The following ZNF333 variants were observed in gnomAD, a reference collection of about 807,000 sequenced individuals.
ZNF333 encodes the protein zinc finger protein 333.
A neutral mutation model predicts 76.1 loss-of-function variants in ZNF333; 61 were observed. That is an observed-to-expected ratio of 0.80 (90% confidence interval 0.65 to 0.99). The LOEUF is 0.99. Among genes scored for constraint, ZNF333 ranks in the 50% least tolerant of loss-of-function variants. The pLI, the probability that ZNF333 is intolerant of heterozygous loss-of-function variation, is 0.00. For missense variants in ZNF333, 717 were observed against 822.4 expected (o/e 0.87, Z 1.57); for synonymous variants, 284 against 305.0 (o/e 0.93, Z 0.72).
In ZNF333 at chr19:14,720,609, G is replaced by T; in HGVS notation, c.*1284G>T. The T allele has an allele frequency of 1.0e-6, 1 of 985,164 alleles. No homozygotes were observed. The allele number at this position is 985,164 out of a possible 1,614,324, so 61.0% of individuals were successfully genotyped here. A position where few individuals can be genotyped will look rare whatever the true frequency, so the allele number is the denominator to read the frequency against. On this transcript the variant is annotated 3_prime_UTR_variant, in exon 12 of 12. Transcript: ENST00000292530. ...TTACTGGTACAGTTTTCTTTTGTTT[G>T]TTTTTGTTTTTGGTGGGAGGTTTAT...
rs143761607 is a variant in ZNF333 at position 14,718,231 on chromosome 19, C to T, written c.904C>T (p.Gln302Ter). The part of the protein sequence containing the change: ...EILSIDVKGE[Q>*]PQPGEKLYKY... The stretch of plus-strand genomic sequence containing the variant: ...TCACATTTTCCTTCATCGACAGGAG[C>T]AACCTCAGCCTGGAGAAAAACTCTA... Residue 302 changes from glutamine to a stop codon, truncating the protein, a stop_gained, in exon 12 of 12, where the codon CAA (glutamine) becomes TAA (stop). Transcript: ENST00000292530. LOFTEE classifies it high-confidence loss of function. 1 of 1,603,696 alleles carries T rather than the reference C, an allele frequency of 6.2e-7. No individual in the cohort carries two copies. Among genetic ancestry groups the T allele is most frequent in the Non-Finnish European group, 8.5e-7 (1 of 1,174,946 alleles).
chr19:14,733,572 C>T (rs942842613), exon 12 of ZNF333: 1 of 147,862 alleles, frequency 6.8e-6, no homozygotes, highest in Non-Finnish European at 1.5e-5. Context: ...CACCACTCTC[C>T]CTCCCATATA....
At chr19:14,717,250 C>G in intron 10 of ZNF333, 161 bp downstream of exon 10, 1 of 589,836 alleles carries the variant, frequency 1.7e-6, no homozygotes, top group Non-Finnish European at 2.9e-6. Flanking sequence ...TTTCCCTTTC[C>G]TTTTTAATCT....
Position 14,721,018 on chromosome 19 carries a change from C to T in ZNF333, c.*1693C>T, listed in dbSNP as rs2042573408. 1 of 875,852 alleles carries T rather than the reference C, an allele frequency of 1.1e-6. No homozygotes were observed. Among genetic ancestry groups the T allele is most frequent in the South Asian group, 5.3e-5 (1 of 18,864 alleles). The allele number at this position is 875,852 out of a possible 1,614,324, so 54.3% of individuals were successfully genotyped here. ...ATCCTTTTCCCTATTACTGAACATT[C>T]AACCATTCATTGTAATGATAGTAAA... On this transcript the variant is annotated 3_prime_UTR_variant, in exon 12 of 12. Transcript: ENST00000292530.
exon 12 of ZNF333, chr19:14,731,214 C>A: frequency 6.5e-7 from 1 of 1,532,296 alleles, no homozygotes; most frequent in African/African-American, 1.4e-5. Context: ...ATCCAGTACT[C>A]TCTTGCATGT....
rs114931654 is a variant in ZNF333 at position 14,709,847 on chromosome 19, G to A, written c.511+3074G>A. ...GCAAATTTCTGTTAAGTCACCTAGC[G>A]CATGGTATTTTGGAATGACAGCTCG... On this transcript the variant is annotated intron_variant, in intron 7 of 11. Transcript: ENST00000292530. Among the ~76,000 whole-genome samples the A allele has an allele frequency of 3.3e-3, 507 of 152,318 alleles. 1 individual carries two copies. The highest frequency in any genetic ancestry group is 0.011 in the African/African-American group (474 of 41,572).
intron 2 of ZNF333, among the ~76,000 whole-genome samples, chr19:14,694,027 T>C (rs962830429): frequency 4.6e-5 from 7 of 150,884 alleles, no homozygotes; most frequent in Non-Finnish European, 1.0e-4. Flanking sequence ...AAGCGCTCAG[T>C]TTCTCAGTCG....
downstream of ZNF333, among the ~76,000 whole-genome samples, chr19:14,724,107 G>T (rs1045183416): frequency 3.3e-5 from 5 of 152,216 alleles, no homozygotes; most frequent in African/African-American, 1.2e-4. Context: ...CAGTCAACAG[G>T]TGCCACTGTC....
intron 5 of ZNF333, among the ~76,000 whole-genome samples, chr19:14,699,605 C>T (rs888537859): frequency 1.3e-5 from 2 of 151,990 alleles, no homozygotes; most frequent in African/African-American, 2.4e-5. Flanking sequence ...GGACTGCAGG[C>T]GTGCACCACC....
chr19:14,715,167 A>T, intron 7 of ZNF333: 1 of 530,392 alleles, frequency 1.9e-6, no homozygotes, highest in Non-Finnish European at 3.5e-6. Flanking sequence ...TTGTGTGTAT[A>T]TGTGTGCATG....
chr19:14,730,537 C>T (rs921640271), intron 11 of ZNF333, among the ~76,000 whole-genome samples: 1 of 115,374 alleles, frequency 8.7e-6, no homozygotes, highest in African/African-American at 3.0e-5. Flanking sequence ...CTTCCTCTCT[C>T]TTTCTGTATT....
chr19:14,691,233 A>G (rs1247008750), intron 1 of ZNF333, among the ~76,000 whole-genome samples: 3 of 152,206 alleles, frequency 2.0e-5, no homozygotes, highest in East Asian at 1.9e-4. Context: ...GCCGTTTCTC[A>G]GTTATTTCAC....
rs201270382 is a variant in ZNF333, at chr19:14,695,635, G to C, written c.197G>C (p.Arg66Pro). 230 of 1,614,020 alleles carry C rather than the reference G, an allele frequency of 1.4e-4. No homozygotes were observed. The highest frequency in any genetic ancestry group is 1.7e-4 in the Non-Finnish European group (206 of 1,180,020). ...AGAGCAGAGCCAAAGGCAACAGAAC[G>C]AGGGATTCTCCGTGCCACAGGTGTT... ...GQRAEPKATE[R>P]GILRATGVAW... is the part of the protein sequence containing the mutation. Residue 66 changes from arginine (R) to proline (P), a missense_variant, in exon 4 of 12, where the codon CGA becomes CCA. Coordinates refer to ENST00000292530, the MANE Select transcript of ZNF333 (RefSeq NM_032433.4).
intron 3 of ZNF333, among the ~76,000 whole-genome samples, 157 bp from the exon 4 acceptor site, chr19:14,695,409 A>T (rs529940835): frequency 1.2e-4 from 18 of 152,222 alleles, no homozygotes; most frequent in Admixed American, 1.2e-3. Flanking sequence ...TTCATTAGCT[A>T]TTGGGCAAGA....
chr19:14,698,899 GATATATATAT>G (rs60299211), intron 4 of ZNF333, among the ~76,000 whole-genome samples: 5,246 of 132,678 alleles, frequency 0.04, 209 homozygotes, highest in East Asian at 0.083. Flanking sequence ...CACAAATATA[GATATATATAT>G]ATATATATAT....
chr19:14,730,839 C>G (rs1188360614), intron 11 of ZNF333, among the ~76,000 whole-genome samples: 1 of 151,704 alleles, frequency 6.6e-6, no homozygotes, highest in Admixed American at 6.6e-5. Flanking sequence ...TCCCCATTGT[C>G]TAATGCTCCC....
chr19:14,707,553 T>C (rs1035887692), intron 7 of ZNF333, among the ~76,000 whole-genome samples: 1 of 145,092 alleles, frequency 6.9e-6, no homozygotes, highest in Non-Finnish European at 1.5e-5. Flanking sequence ...TTGTTTCTTT[T>C]TTTTTTTTTT....
rs1228386360 is a variant in ZNF333, at chr19:14,715,400, C to T, written c.530C>T (p.Pro177Leu). Residue 177 changes from proline to leucine, a missense_variant, in exon 8 of 12, where the codon CCT (proline) becomes CTT (leucine). Transcript: ENST00000292530. ...ARDSAVPARD[P>L]AWLQEDKVEE... is the part of the protein sequence containing the mutation. The stretch of plus-strand genomic sequence containing the variant: ...CCCCTAGCTGTGCCTGCACGTGACC[C>T]TGCCTGGCTTCAGGAGGACAAAGTG... 3 of 1,613,920 alleles carry T rather than the reference C, an allele frequency of 1.9e-6. No homozygotes were observed. Among genetic ancestry groups the T allele is most frequent in the South Asian group, 2.2e-5 (2 of 91,084 alleles).
chr19:14,691,534 A>G (rs1972772812), intron 1 of ZNF333, among the ~76,000 whole-genome samples: 1 of 152,206 alleles, frequency 6.6e-6, no homozygotes, highest in African/African-American at 2.4e-5. Flanking sequence ...TTGTTTCCAC[A>G]AAGAATATAT....
Sources: allele counts gnomAD v4.1 joint callset (sites outside exome capture counted in the v4.1 genomes callset), GRCh38; gene constraint gnomAD v4.1.1; transcripts MANE v1.5; gene names NCBI Gene and HGNC (gene_info 2026-07-23, HGNC 2026-07-21).